Variants in CLYBL observed in about 807,000 individuals in gnomAD.
The protein encoded by CLYBL is citramalyl-CoA lyase.
CLYBL carries 31 observed loss-of-function variants against 38.9 expected under a neutral mutation model. The observed-to-expected ratio is 0.80, with a 90% CI of 0.60 to 1.08. The LOEUF is 1.08. Ranked by LOEUF, CLYBL falls within the 50% of genes least tolerant of loss-of-function variation. The probability of loss-of-function intolerance (pLI) is 0.00; values close to 1 mark genes in which losing one functional copy is unlikely to be tolerated. For missense variants in CLYBL, 434 were observed against 411.6 expected (o/e 1.05, Z -0.47); for synonymous variants, 171 against 158.6 (o/e 1.08, Z -0.59).
Position 99,606,742 on chromosome 13 carries a change from C to G in CLYBL, c.47C>G (p.Ala16Gly), listed in dbSNP as rs775057322. 3.8e-5 allele frequency: 57 copies of G among 1,482,594 alleles called. No individual in the cohort carries two copies. The highest frequency in any genetic ancestry group is 2.9e-5 in the African/African-American group (2 of 67,808). 91.8% of individuals were successfully genotyped at this position (1,482,594 alleles called of 1,614,324 possible). Residue 16 changes from alanine to glycine, a missense_variant, in exon 1 of 9, where the codon GCG becomes GGG. Coordinates refer to ENST00000339105, the MANE Select transcript of CLYBL (RefSeq NM_206808.5). ...LRRAARGAAAAALLRLKASLA... is the reference protein window; with the variant it reads ...LRRAARGAAAGALLRLKASLA... ...AGGGCGGCGCGCGGAGCTGCGGCGGCGGCGCTGCTGAGGCTGTGAGTGCAG... is the reference window on the plus strand; with the variant it reads ...AGGGCGGCGCGCGGAGCTGCGGCGGGGGCGCTGCTGAGGCTGTGAGTGCAG...
chr13:99,711,792 G>A (rs993215897), intron 1 of CLYBL, among the ~76,000 whole-genome samples: 31 of 143,598 alleles, frequency 2.2e-4, no homozygotes, highest in African/African-American at 7.0e-4. Flanking sequence ...CTTGGCTCAC[G>A]GCAACCTTCA....
At chr13:99,684,390 T>C (rs1045887318) in intron 1 of CLYBL, among the ~76,000 whole-genome samples, 11 of 152,028 alleles carry the variant, frequency 7.2e-5, no homozygotes, top group African/African-American at 2.4e-4. Flanking sequence ...TATAATCTTA[T>C]GGGAGCACTG....
intron 2 of CLYBL, among the ~76,000 whole-genome samples, chr13:99,782,492 G>T (rs749758412): frequency 6.6e-6 from 1 of 152,058 alleles, no homozygotes; most frequent in East Asian, 1.9e-4. Context: ...GTGACAGAAC[G>T]AGGCTCTGTC....
chr13:99,793,925 T>C (rs2049970794), intron 2 of CLYBL, among the ~76,000 whole-genome samples: 1 of 151,664 alleles, frequency 6.6e-6, no homozygotes. Context: ...GCTTAAATGA[T>C]TCAAAGCTTT....
intron 1 of CLYBL, among the ~76,000 whole-genome samples, chr13:99,658,129 C>T (rs1040421599): frequency 3.3e-5 from 5 of 152,224 alleles, no homozygotes; most frequent in Non-Finnish European, 7.3e-5. Flanking sequence ...GTTCGATGTG[C>T]GAGCAGAAGG....
chr13:99,891,615 C>T (rs1382872226), intron 8 of CLYBL, 178 bp downstream of exon 8: 1 of 522,810 alleles, frequency 1.9e-6, no homozygotes, highest in Non-Finnish European at 3.4e-6. Flanking sequence ...CCCTTTGGAT[C>T]CAAGCTTATG....
intron 1 of CLYBL, among the ~76,000 whole-genome samples, chr13:99,703,532 G>A (rs2048101857): frequency 6.6e-6 from 1 of 152,026 alleles, no homozygotes; most frequent in Non-Finnish European, 1.5e-5. Context: ...ACCATGCCCA[G>A]CTAATTTTTT....
chr13:99,640,529 G>A (rs894760619), intron 1 of CLYBL, among the ~76,000 whole-genome samples: 5 of 152,190 alleles, frequency 3.3e-5, no homozygotes, highest in Non-Finnish European at 1.5e-5. Context: ...TTGAGTAGTT[G>A]ACAGCTGTGA....
intron 1 of CLYBL, among the ~76,000 whole-genome samples, chr13:99,770,943 A>G (rs1410222711): frequency 6.8e-6 from 1 of 146,850 alleles, no homozygotes; most frequent in Non-Finnish European, 1.5e-5. Flanking sequence ...GATAGTCTCC[A>G]TCTCCTGACC....
In CLYBL at chr13:99,870,899, C is replaced by T. The variant is rs754856023; in HGVS notation, c.803-39C>T. 7.7e-5 allele frequency: 121 copies of T among 1,562,270 alleles called. 1 individual carries two copies. Among genetic ancestry groups the T allele is most frequent in the South Asian group, 3.0e-4 (24 of 80,956 alleles). On this transcript the variant is annotated intron_variant, in intron 6 of 8. Transcript: ENST00000339105. ...GAAACATTTTGTTTGAACATCTGTTCGTTGTTTCGTGGTTCCGATGTTATT... is the reference window on the plus strand; with the variant it reads ...GAAACATTTTGTTTGAACATCTGTTTGTTGTTTCGTGGTTCCGATGTTATT...
downstream of CLYBL, among the ~76,000 whole-genome samples, chr13:99,899,339 T>C (rs879920672): frequency 2.5e-4 from 38 of 152,222 alleles, no homozygotes; most frequent in Non-Finnish European, 4.0e-4. Flanking sequence ...GCTTGGCCAT[T>C]CAACTTCTCC....
intron 9 of CLYBL, among the ~76,000 whole-genome samples, chr13:99,906,684 A>G (rs6491537): frequency 0.73 from 110,230 of 151,978 alleles, 40,268 homozygotes; most frequent in Middle Eastern, 0.76. Flanking sequence ...TCAGCCTCCC[A>G]AAGTGCTGGG....
chr13:99,609,838 T>C (rs2046598920), intron 1 of CLYBL, among the ~76,000 whole-genome samples: 1 of 152,216 alleles, frequency 6.6e-6, no homozygotes, highest in Non-Finnish European at 1.5e-5. Context: ...GCCCGGCCCT[T>C]TTCTATACTT....
chr13:99,705,868 A>G (rs2048138797), intron 1 of CLYBL, among the ~76,000 whole-genome samples: 1 of 152,072 alleles, frequency 6.6e-6, no homozygotes, highest in South Asian at 2.1e-4. Context: ...GGACAAAACT[A>G]TACCTAAAAA....
rs2051741731 is a variant in CLYBL at position 99,866,295 on chromosome 13, T to C, written c.690T>C (p.Val230=). The change falls in exon 6 of 9, where the codon GTT becomes GTC. Residue 230 remains valine, a synonymous_variant. Transcript: ENST00000339105. ...TTCTCTACGCCCGGCAAAAGATTGT[T>C]GTCATAGCGAAAGCCTTTGGTCTCC... ...LDILYARQKI[V]VIAKAFGLQA... The C allele has an allele frequency of 6.2e-7, 1 of 1,614,090 alleles. No individual in the cohort carries two copies.
chr13:99,736,355 G>A (rs2048668296), intron 1 of CLYBL, among the ~76,000 whole-genome samples: 1 of 151,602 alleles, frequency 6.6e-6, no homozygotes, highest in African/African-American at 2.4e-5. Flanking sequence ...ATATTTCTAA[G>A]ATAAAATTTT....
chr13:99,613,189 A>T (rs985138212), intron 1 of CLYBL, among the ~76,000 whole-genome samples: 3 of 152,142 alleles, frequency 2.0e-5, no homozygotes, highest in African/African-American at 7.2e-5. Context: ...TATTCATAGT[A>T]AGACTCCAAA....
chr13:99,635,880 A>C (rs1482012202), intron 1 of CLYBL, among the ~76,000 whole-genome samples: 1 of 152,218 alleles, frequency 6.6e-6, no homozygotes, highest in Non-Finnish European at 1.5e-5. Context: ...ACTAAAGATA[A>C]TATATATAAA....
intron 2 of CLYBL, among the ~76,000 whole-genome samples, chr13:99,832,993 TACATACATAC>T (rs2050837445): frequency 1.8e-5 from 1 of 56,200 alleles, no homozygotes; most frequent in African/African-American, 5.5e-5. Flanking sequence ...AAGTAGTATA[TACATACATAC>T]ATACATATAT....
Sources: allele counts gnomAD v4.1 joint callset (sites outside exome capture counted in the v4.1 genomes callset), GRCh38; gene constraint gnomAD v4.1.1; transcripts MANE v1.5; gene names NCBI Gene and HGNC (gene_info 2026-07-23, HGNC 2026-07-21).